SPIDR: variants seen among roughly 807,000 people sequenced by gnomAD.
SPIDR encodes scaffold protein involved in DNA repair.
A neutral mutation model predicts 104.6 loss-of-function variants in SPIDR; 93 were observed. The observed-to-expected ratio is 0.89, with a 90% CI of 0.75 to 1.06. The LOEUF (loss-of-function observed/expected upper bound fraction) is 1.06, where lower values mean the gene tolerates loss of function less well. Among genes scored for constraint, SPIDR ranks in the 50% least tolerant of loss-of-function variants. The probability of loss-of-function intolerance (pLI) is 0.00; values close to 1 mark genes in which losing one functional copy is unlikely to be tolerated. For synonymous variants in SPIDR, 431 were observed against 416.9 expected (o/e 1.03, Z -0.41); for missense variants, 1,154 against 1,111.2 (o/e 1.04, Z -0.55).
At chr8:47,423,378 A>G (rs906790355) in intron 7 of SPIDR, among the ~76,000 whole-genome samples, 8 of 151,930 alleles carry the variant, frequency 5.3e-5, no homozygotes, top group African/African-American at 1.4e-4. Context: ...AGGCTGAGGC[A>G]GGTGATCACT....
At chr8:47,544,096 T>TGGGA (rs2088791286) in intron 8 of SPIDR, among the ~76,000 whole-genome samples, 5 of 152,136 alleles carry the variant, frequency 3.3e-5, no homozygotes, top group South Asian at 2.1e-4. Flanking sequence ...CCAAGAGGGT[T>TGGGA]CTGTTCAGTT....
In SPIDR at chr8:47,712,736, G is replaced by T; in HGVS notation, c.2052G>T (p.Glu684Asp). Reference protein sequence around the residue: ...LVTDVTLQTKEERDPRLPKTL... With the variant: ...LVTDVTLQTKDERDPRLPKTL... Reference sequence around the variant, plus strand: ...CCGATGTCACTCTGCAAACGAAGGAGGAGAGAGACCCCAGGCTCCCCAAAA... The same window carrying T: ...CCGATGTCACTCTGCAAACGAAGGATGAGAGAGACCCCAGGCTCCCCAAAA... The change falls in exon 15 of 20, where the codon GAG becomes GAT. Residue 684 changes from glutamate (E) to aspartate (D), a missense_variant. Transcript: ENST00000297423. 1.2e-6 allele frequency: 2 copies of T among 1,614,172 alleles called. No homozygotes were observed. The highest frequency in any genetic ancestry group is 8.5e-7 in the Non-Finnish European group (1 of 1,180,032).
intron 10 of SPIDR, among the ~76,000 whole-genome samples, chr8:47,626,592 A>G (rs1297042281): frequency 6.6e-6 from 1 of 152,226 alleles, no homozygotes; most frequent in Non-Finnish European, 1.5e-5. Flanking sequence ...ATGAACAGAC[A>G]CTCTCAAAAG....
chr8:47,431,498 C>T (rs897341182), intron 7 of SPIDR, among the ~76,000 whole-genome samples: 2 of 152,174 alleles, frequency 1.3e-5, no homozygotes, highest in South Asian at 2.1e-4. Flanking sequence ...ACTCACCTTC[C>T]GAACAAGCTA....
intron 8 of SPIDR, among the ~76,000 whole-genome samples, chr8:47,485,301 G>A (rs530003650): frequency 6.6e-6 from 1 of 152,232 alleles, no homozygotes; most frequent in East Asian, 1.9e-4. Flanking sequence ...CAGCGAGGCT[G>A]GGGGAGGGGC....
intron 3 of SPIDR, among the ~76,000 whole-genome samples, chr8:47,288,805 A>C (rs1405198041): frequency 1.3e-5 from 2 of 152,214 alleles, no homozygotes; most frequent in African/African-American, 4.8e-5. Context: ...AATGTTGACT[A>C]TTCCATGTTT....
intron 16 of SPIDR, among the ~76,000 whole-genome samples, chr8:47,714,787 G>A (rs1045952838): frequency 6.6e-6 from 1 of 152,164 alleles, no homozygotes; most frequent in Non-Finnish European, 1.5e-5. Context: ...CCCCTCATAT[G>A]AATAAACTCT....
chr8:47,306,168 G>A (rs2043060849), intron 5 of SPIDR, among the ~76,000 whole-genome samples: 1 of 152,098 alleles, frequency 6.6e-6, no homozygotes, highest in African/African-American at 2.4e-5. Context: ...TTGAGATGGA[G>A]TCTCACTCTG....
chr8:47,449,641 G>T (rs1313174884), intron 8 of SPIDR, among the ~76,000 whole-genome samples: 1 of 152,144 alleles, frequency 6.6e-6, no homozygotes, highest in Admixed American at 6.5e-5. Context: ...AAAATTACAG[G>T]GTGTCTTGAG....
chr8:47,389,026 C>G (rs976808607), intron 5 of SPIDR, among the ~76,000 whole-genome samples: 1 of 152,162 alleles, frequency 6.6e-6, no homozygotes, highest in South Asian at 2.1e-4. Flanking sequence ...GAAGACTCCT[C>G]CTCCCAAACT....
In SPIDR at chr8:47,542,323, G is replaced by A. The variant is rs1022424996; in HGVS notation, c.1098-53488G>A. ...CTTTATGGGTACCTGGATGAGGGTT[G>A]TGGTGAATGTAACCAGAGGCAAATC... is the stretch of plus-strand genomic sequence containing the variant. On this transcript the variant is annotated intron_variant, in intron 8 of 19. Coordinates refer to ENST00000297423, the MANE Select transcript of SPIDR (RefSeq NM_001080394.4). Among the ~76,000 whole-genome samples, 98 of 152,250 alleles carry A rather than the reference G, an allele frequency of 6.4e-4. 1 individual carries two copies. The highest frequency in any genetic ancestry group is 1.3e-4 in the Non-Finnish European group (9 of 68,026).
At chr8:47,527,003 G>A (rs1273589438) in intron 8 of SPIDR, among the ~76,000 whole-genome samples, 1 of 152,152 alleles carries the variant, frequency 6.6e-6, no homozygotes, top group Non-Finnish European at 1.5e-5. Flanking sequence ...CATTGCCAGA[G>A]GCTCGGTGTG....
chr8:47,490,397 G>C (rs186959237), intron 8 of SPIDR, among the ~76,000 whole-genome samples: 1 of 152,230 alleles, frequency 6.6e-6, no homozygotes, highest in Non-Finnish European at 1.5e-5. Context: ...TACAGTGTTG[G>C]TGGGACTAAA....
At chr8:47,299,597 T>C (rs2041629657) in intron 5 of SPIDR, among the ~76,000 whole-genome samples, 1 of 152,186 alleles carries the variant, frequency 6.6e-6, no homozygotes, top group African/African-American at 2.4e-5. Flanking sequence ...TTGTCATAAA[T>C]AGCTCTTATT....
intron 11 of SPIDR, among the ~76,000 whole-genome samples, chr8:47,699,403 C>T (rs1284518957): frequency 6.6e-6 from 1 of 152,184 alleles, no homozygotes. Context: ...TTTCTTGACT[C>T]CAGGGGCCCT....
intron 8 of SPIDR, among the ~76,000 whole-genome samples, chr8:47,544,210 T>C (rs1381310471): frequency 6.6e-6 from 1 of 152,200 alleles, no homozygotes; most frequent in African/African-American, 2.4e-5. Context: ...GTGAAATATG[T>C]GTTCTTGTTT....
chr8:47,557,838 T>G (rs571214503), intron 8 of SPIDR, among the ~76,000 whole-genome samples: 59 of 152,356 alleles, frequency 3.9e-4, no homozygotes, highest in Non-Finnish European at 7.8e-4. Flanking sequence ...AGTTTTCTAC[T>G]TTAATGCTTC....
chr8:47,443,390 C>T (rs1554698772), intron 8 of SPIDR, among the ~76,000 whole-genome samples: 8 of 151,822 alleles, frequency 5.3e-5, no homozygotes, highest in Admixed American at 3.3e-4. Flanking sequence ...GCCAACATGG[C>T]GAAACCCCAT....
intron 5 of SPIDR, among the ~76,000 whole-genome samples, chr8:47,331,058 T>A (rs1268299080): frequency 6.6e-6 from 1 of 152,224 alleles, no homozygotes; most frequent in Non-Finnish European, 1.5e-5. Context: ...AAGTATGTCA[T>A]GATATCTCAG....
Sources: allele counts gnomAD v4.1 joint callset (sites outside exome capture counted in the v4.1 genomes callset), GRCh38; gene constraint gnomAD v4.1.1; transcripts MANE v1.5; gene names NCBI Gene and HGNC (gene_info 2026-07-23, HGNC 2026-07-21).